DOCK6: variants seen among roughly 807,000 people sequenced by gnomAD.
The protein encoded by DOCK6 is dedicator of cytokinesis protein 6.
Under a neutral mutation model 230.3 loss-of-function variants are expected in DOCK6, and 167 were observed. The observed-to-expected ratio is 0.73, with a 90% CI of 0.64 to 0.82. The LOEUF is 0.82. Ranked by LOEUF, DOCK6 falls within the 40% of genes least tolerant of loss-of-function variation. DOCK6 has a pLI of 0.00. For missense variants in DOCK6, 2,598 were observed against 2,825.8 expected, an observed-to-expected ratio of 0.92 and a Z score of 1.83; for synonymous variants, 1,148 against 1,185.0, an observed-to-expected ratio of 0.97 and a Z score of 0.64.
chr19:11,252,200 C>T lies in DOCK6; in HGVS notation c.426G>A (p.Gln142=), dbSNP rs752206911. 45 of 1,582,380 alleles carry T rather than the reference C, an allele frequency of 2.8e-5. No homozygotes were observed. The East Asian group carries it at 1.0e-3, about 36-fold the overall frequency. The change falls in exon 5 of 48, where the codon CAG becomes CAA. Residue 142 remains glutamine, a synonymous_variant. Transcript: ENST00000294618. ...GGGGGAGGCCCTTCTGTCGCTCCCG[C>T]TGTGTGTCTGTGGTGACGGGGCTGT... ...AAYSPVTTDT[Q]RERQKGLPRQ...
intron 13 of DOCK6, 129 bp from the exon 14 acceptor site, chr19:11,242,336 C>T (rs539868609): frequency 5.9e-6 from 6 of 1,021,266 alleles, no homozygotes; most frequent in South Asian, 4.9e-5. Context: ...GTCCCTCAGG[C>T]GCCAAGGCCA....
intron 7 of DOCK6, among the ~76,000 whole-genome samples, chr19:11,247,091 G>A (rs2080046640): frequency 1.3e-5 from 2 of 152,074 alleles, no homozygotes; most frequent in East Asian, 1.9e-4. Flanking sequence ...GTATACAGTA[G>A]GGACTTCATA....
Position 11,233,343 on chromosome 19 carries a change from C to A in DOCK6, c.2578G>T (p.Ala860Ser). 1 of 1,613,750 alleles carries A rather than the reference C, an allele frequency of 6.2e-7. No homozygotes were observed. Among genetic ancestry groups the A allele is most frequent in the Non-Finnish European group, 8.5e-7 (1 of 1,179,758 alleles). The change falls in exon 22 of 48, where the codon GCT (alanine) becomes TCT (serine). Residue 860 changes from alanine to serine, a missense_variant. Ala to Ser is a moderately conservative substitution (Grantham distance 99). Coordinates refer to ENST00000294618, the MANE Select transcript of DOCK6 (RefSeq NM_020812.4). ...PDGAPPVTVQ[A>S]ATLARGSGRP... Reference sequence around the variant, plus strand: ...CCAGAGCCACGGGCCAGTGTGGCAGCCTGCACTGTCACTGGAGGGGCCCCT... The same window carrying A: ...CCAGAGCCACGGGCCAGTGTGGCAGACTGCACTGTCACTGGAGGGGCCCCT...
Position 11,214,556 on chromosome 19 carries a change from CACGA to C in DOCK6, c.4196_4199del (p.Ile1399SerfsTer4). On this transcript the variant is annotated frameshift_variant, in exon 33 of 48. Transcript: ENST00000294618. LOFTEE classifies it high-confidence loss of function. Reference sequence around the variant, plus strand: ...CAGATGCTGGATCAAGCCCTACCTGCACGATGATCTCCAGTGTGTCCAGAACCAC... The same window carrying C: ...CAGATGCTGGATCAAGCCCTACCTGCTGATCTCCAGTGTGTCCAGAACCAC... The C allele has an allele frequency of 6.2e-7, 1 of 1,613,934 alleles. No individual in the cohort carries two copies. Among genetic ancestry groups the C allele is most frequent in the Non-Finnish European group, 8.5e-7 (1 of 1,179,882 alleles).
intron 35 of DOCK6, among the ~76,000 whole-genome samples, chr19:11,212,640 G>GC (rs2079409668): frequency 7.0e-6 from 1 of 143,670 alleles, no homozygotes; most frequent in African/African-American, 2.6e-5. Flanking sequence ...TTGGCTCACT[G>GC]CAACCTCCGC....
Position 11,202,700 on chromosome 19 carries a change from C to T in DOCK6, c.5245G>A (p.Gly1749Arg), listed in dbSNP as rs1348288973. ...TAGAAGCCCACGCGGAAATACGTCC[C>T]GAACACGCGCTGGGGCTGTGAGAAA... ...HQSSGWERVFGTYFRVGFYGA... is the reference protein window; with the variant it reads ...HQSSGWERVFRTYFRVGFYGA... Residue 1749 changes from glycine to arginine, a missense_variant, in exon 42 of 48, where the codon GGG becomes AGG. By Grantham distance (125) the Gly-to-Arg change is moderately radical. Transcript: ENST00000294618. This position sits in a 1 kb window ranked among gnomAD's most constrained non-coding sequence, Gnocchi z 5.3. 5 of 1,613,776 alleles carry T rather than the reference C, an allele frequency of 3.1e-6. No individual in the cohort carries two copies. The highest frequency in any genetic ancestry group is 1.7e-5 in the Admixed American group (1 of 60,004).
Position 11,248,179 on chromosome 19 carries a change from G to T in DOCK6, c.721-28C>A, listed in dbSNP as rs369220337. The T allele has an allele frequency of 1.8e-5, 26 of 1,424,894 alleles. No homozygotes were observed. The African/African-American group carries it at 3.4e-4, about 19-fold the overall frequency. 88.3% of individuals were successfully genotyped at this position (1,424,894 alleles called of 1,614,324 possible). A position where few individuals can be genotyped will look rare whatever the true frequency, so the allele number is the denominator to read the frequency against. ...GCCAAGAGTGGGGGGTGGGAGCTGG[G>T]CGGGAGGAGCTGGGACATCCTCCAG... On this transcript the variant is annotated intron_variant, in intron 6 of 47. Coordinates refer to ENST00000294618, the MANE Select transcript of DOCK6 (RefSeq NM_020812.4).
intron 24 of DOCK6, among the ~76,000 whole-genome samples, chr19:11,225,113 A>G (rs2079644151): frequency 6.6e-6 from 1 of 151,992 alleles, no homozygotes; most frequent in South Asian, 2.1e-4. Flanking sequence ...CTGTAGTCCC[A>G]GCTACTCAGG....
intron 14 of DOCK6, among the ~76,000 whole-genome samples, chr19:11,239,185 GC>G (rs1465368892): frequency 6.6e-5 from 10 of 152,136 alleles, no homozygotes; most frequent in Non-Finnish European, 1.3e-4. Context: ...ACCTGCACCT[GC>G]CCCCTTGGAT....
At chr19:11,261,506 C>T (rs1453629157) in intron 1 of DOCK6, among the ~76,000 whole-genome samples, 1 of 152,202 alleles carries the variant, frequency 6.6e-6, no homozygotes, top group Non-Finnish European at 1.5e-5. Flanking sequence ...AGCTCTTTCA[C>T]CTGGGGGCAG....
intron 24 of DOCK6, among the ~76,000 whole-genome samples, chr19:11,226,159 C>T (rs549660657): frequency 2.0e-5 from 3 of 152,282 alleles, no homozygotes; most frequent in African/African-American, 7.2e-5. Context: ...CCCTCTGCTC[C>T]ACCATAAGCC....
chr19:11,240,374 A>T, intron 14 of DOCK6: 1 of 1,395,972 alleles, frequency 7.2e-7, no homozygotes, highest in Non-Finnish European at 9.5e-7. Context: ...TGAGTCCCAA[A>T]GACCTCCCAG....
chr19:11,243,565 G>C lies in DOCK6; in HGVS notation c.1250C>G (p.Ser417Trp), dbSNP rs1011910095. ...SAGQLDRDSD[S>W]EGERRPAWTD... ...TAGCCCCGCCTCCTCACCGCCCTCC[G>C]AGTCAGAGTCCCGGTCCAGCTGCCC... The change falls in exon 11 of 48, where the codon TCG becomes TGG. Residue 417 changes from serine (S) to tryptophan (W), a missense_variant. Coordinates refer to ENST00000294618, the MANE Select transcript of DOCK6 (RefSeq NM_020812.4). This position sits in a 1 kb window ranked among gnomAD's most constrained non-coding sequence, Gnocchi z 6.3. 1.9e-6 allele frequency: 3 copies of C among 1,602,556 alleles called. No individual in the cohort carries two copies. In the African/African-American group the frequency reaches 4.0e-5, roughly 21 times the overall value.
chr19:11,218,902 G>A (rs1294957966), intron 28 of DOCK6, among the ~76,000 whole-genome samples: 9 of 128,320 alleles, frequency 7.0e-5, no homozygotes, highest in Non-Finnish European at 1.2e-4. Context: ...TTTTTGAGGC[G>A]GAGTCTCACT....
At position 11,237,509 on chromosome 19, in the gene DOCK6, G is replaced by T; in HGVS notation, c.2020C>A (p.Leu674Ile). ...HGRLRTGPFC[L>I]PVSVDQPPPS... ...GGCGGCTGGTCCACAGACACTGGGA[G>T]ACAGAAGGGGCCGGTCCTCAGGCGC... is the stretch of plus-strand genomic sequence containing the variant. The change falls in exon 18 of 48, where the codon CTC (leucine) becomes ATC (isoleucine). Residue 674 changes from leucine to isoleucine, a missense_variant. Leu to Ile is a conservative substitution (Grantham distance 5, BLOSUM62 2). Transcript: ENST00000294618. 2 of 1,613,208 alleles carry T rather than the reference G, an allele frequency of 1.2e-6. No homozygotes were observed. Among genetic ancestry groups the T allele is most frequent in the Non-Finnish European group, 1.7e-6 (2 of 1,179,744 alleles).
At chr19:11,208,644 G>A in intron 39 of DOCK6, 42 bp downstream of exon 39, 2 of 1,587,608 alleles carry the variant, frequency 1.3e-6, no homozygotes. Context: ...GCACCTCCCT[G>A]GCCCGAGCCC....
intron 24 of DOCK6, among the ~76,000 whole-genome samples, chr19:11,223,866 C>T (rs1026257759): frequency 3.9e-5 from 6 of 152,008 alleles, no homozygotes; most frequent in Non-Finnish European, 4.4e-5. Context: ...AGGCTGGTCT[C>T]GAACTCCTGA....
At chr19:11,233,836 A>C (rs994173337) in intron 21 of DOCK6, among the ~76,000 whole-genome samples, 4 of 142,290 alleles carry the variant, frequency 2.8e-5, no homozygotes, top group African/African-American at 7.9e-5. Context: ...TAAGATCCTG[A>C]CTTTTTTTTT....
intron 22 of DOCK6, chr19:11,232,376 C>T (rs1271746455): frequency 9.4e-7 from 1 of 1,059,772 alleles, no homozygotes; most frequent in African/African-American, 1.6e-5. Context: ...GGTTCTGGAC[C>T]ATACATGTGC....
Sources: allele counts gnomAD v4.1 joint callset (sites outside exome capture counted in the v4.1 genomes callset), GRCh38; gene constraint gnomAD v4.1.1; non-coding constraint Gnocchi (gnomAD v3.1); transcripts MANE v1.5; gene names NCBI Gene and HGNC (gene_info 2026-07-23, HGNC 2026-07-21).